The following EPHA4 variants were observed in gnomAD, a reference collection of about 807,000 sequenced individuals.
EPHA4 encodes EPH receptor A4, also known as ephrin type-A receptor 4.
In EPHA4, 19 loss-of-function variants were observed where a neutral mutation model predicts 108.3. The ratio of observed to expected loss-of-function variants is 0.18; its 90% CI spans 0.12 to 0.26. The LOEUF (loss-of-function observed/expected upper bound fraction) is 0.26. EPHA4 is among the 10% of genes least tolerant of loss of function. The probability of loss-of-function intolerance (pLI) is 1.00; values close to 1 mark genes in which losing one functional copy is unlikely to be tolerated. For synonymous variants in EPHA4, 449 were observed against 455.5 expected (o/e 0.99, Z 0.18); for missense variants, 917 against 1,254.0 (o/e 0.73, Z 4.06).
intron 2 of EPHA4, among the ~76,000 whole-genome samples, chr2:221,566,040 A>T (rs1171500807): frequency 6.6e-6 from 1 of 152,208 alleles, no homozygotes; most frequent in Non-Finnish European, 1.5e-5. Flanking sequence ...TTTCACAGTC[A>T]GTGTCAGCAA....
At chr2:221,489,608 T>A (rs1012766279) in intron 4 of EPHA4, among the ~76,000 whole-genome samples, 4 of 152,168 alleles carry the variant, frequency 2.6e-5, no homozygotes, top group Admixed American at 2.6e-4. Flanking sequence ...ATCACATTTT[T>A]AAAAATTTCC....
At chr2:221,483,179 G>GC (rs1691882393) in intron 4 of EPHA4, among the ~76,000 whole-genome samples, 1 of 152,192 alleles carries the variant, frequency 6.6e-6, no homozygotes, top group East Asian at 1.9e-4. Flanking sequence ...ATGTGCCTCT[G>GC]CAGTTCAACA....
At chr2:221,493,413 G>A (rs1241655648) in intron 4 of EPHA4, among the ~76,000 whole-genome samples, 1 of 151,638 alleles carries the variant, frequency 6.6e-6, no homozygotes, top group Non-Finnish European at 1.5e-5. Context: ...GTTTGAAAAT[G>A]GATGTGAGAT....
At chr2:221,472,378 A>G (rs976924075) in intron 5 of EPHA4, among the ~76,000 whole-genome samples, 1 of 152,086 alleles carries the variant, frequency 6.6e-6, no homozygotes, top group African/African-American at 2.4e-5. Context: ...GAAAAACACA[A>G]ATTCTCCAGG....
At chr2:221,423,107 T>C (rs1177858269) in intron 17 of EPHA4, among the ~76,000 whole-genome samples, 1 of 152,208 alleles carries the variant, frequency 6.6e-6, no homozygotes, top group Non-Finnish European at 1.5e-5. Flanking sequence ...ACTTGGACAA[T>C]GTTGGAGGAA....
chr2:221,567,392 G>A (rs189623383), intron 2 of EPHA4, among the ~76,000 whole-genome samples: 152 of 152,222 alleles, frequency 1.0e-3, no homozygotes, highest in Non-Finnish European at 1.6e-3. Flanking sequence ...AGATAAAGCC[G>A]TACCTTTCTT....
At chr2:221,493,517 C>T (rs1175113644) in intron 4 of EPHA4, among the ~76,000 whole-genome samples, 3 of 152,084 alleles carry the variant, frequency 2.0e-5, no homozygotes, top group Admixed American at 6.5e-5. Flanking sequence ...CAAGTAAGGA[C>T]GATGTTATTT....
At chr2:221,558,797 G>A (rs1694373229) in intron 3 of EPHA4, among the ~76,000 whole-genome samples, 2 of 152,022 alleles carry the variant, frequency 1.3e-5, no homozygotes, top group African/African-American at 2.4e-5. Context: ...ATTAAACGCT[G>A]CTCTCTTATA....
At chr2:221,453,009 A>G (rs902733965) in intron 8 of EPHA4, among the ~76,000 whole-genome samples, 9 of 152,228 alleles carry the variant, frequency 5.9e-5, no homozygotes, top group Non-Finnish European at 1.3e-4. Context: ...GAAACTTACA[A>G]TGAGGTAACT....
chr2:221,464,305 T>C (rs1430217), intron 5 of EPHA4, among the ~76,000 whole-genome samples: 1 of 152,132 alleles, frequency 6.6e-6, no homozygotes, highest in African/African-American at 2.4e-5. Context: ...AGGTGGTTTT[T>C]GTTCCCATTT....
At position 221,430,014 on chromosome 2, in the gene EPHA4, C is replaced by T. The variant is rs1034234174; in HGVS notation, c.2634G>A (p.Leu878=). ...RPKFGQIVNM[L]DKLIRNPNSL... ...TGTTGGGGTTGCGGATGAGTTTGTCCAACATGTTGACAATCTGCCCAAATT... is the reference window on the plus strand; with the variant it reads ...TGTTGGGGTTGCGGATGAGTTTGTCTAACATGTTGACAATCTGCCCAAATT... The change falls in exon 15 of 18, where the codon TTG becomes TTA. Residue 878 remains leucine (L), a synonymous_variant. Coordinates refer to ENST00000281821, the MANE Select transcript of EPHA4 (RefSeq NM_004438.5). 10 of 1,613,934 alleles carry T rather than the reference C, an allele frequency of 6.2e-6. No individual in the cohort carries two copies. Among genetic ancestry groups the T allele is most frequent in the Admixed American group, 1.7e-5 (1 of 59,988 alleles).
At chr2:221,531,672 G>T (rs906411852) in intron 3 of EPHA4, among the ~76,000 whole-genome samples, 1 of 151,922 alleles carries the variant, frequency 6.6e-6, no homozygotes, top group South Asian at 2.1e-4. Flanking sequence ...GAAGAACAAA[G>T]CCAATATAAA....
chr2:221,560,861 C>A (rs1010592541), intron 3 of EPHA4, among the ~76,000 whole-genome samples: 1 of 152,186 alleles, frequency 6.6e-6, no homozygotes, highest in Non-Finnish European at 1.5e-5. Context: ...TGCCTGGGTG[C>A]TACTCTTGAT....
At chr2:221,477,458 T>G (rs946341891) in intron 5 of EPHA4, among the ~76,000 whole-genome samples, 3 of 152,168 alleles carry the variant, frequency 2.0e-5, no homozygotes, top group Non-Finnish European at 4.4e-5. Flanking sequence ...TTGGGGATGC[T>G]GTGTTGTGAA....
chr2:221,428,175 G>A (rs1385541814), intron 15 of EPHA4, among the ~76,000 whole-genome samples: 1 of 152,180 alleles, frequency 6.6e-6, no homozygotes, highest in African/African-American at 2.4e-5. Context: ...TAAGCCAAAA[G>A]CATTAATGAG....
intron 9 of EPHA4, among the ~76,000 whole-genome samples, 196 bp from the exon 10 acceptor site, chr2:221,443,802 C>T (rs1226523076): frequency 6.6e-6 from 1 of 152,186 alleles, no homozygotes. Flanking sequence ...TAAGAGGCTG[C>T]AGCTTTACTG....
At chr2:221,427,750 T>C (rs2106090375) in intron 15 of EPHA4, among the ~76,000 whole-genome samples, 1 of 152,328 alleles carries the variant, frequency 6.6e-6, no homozygotes, top group East Asian at 1.9e-4. Context: ...AAAAAACTCT[T>C]TCCTTGTAAA....
At chr2:221,507,028 A>G (rs1350374626) in intron 3 of EPHA4, among the ~76,000 whole-genome samples, 2 of 152,224 alleles carry the variant, frequency 1.3e-5, no homozygotes, top group Non-Finnish European at 2.9e-5. Flanking sequence ...ATCTATTAAA[A>G]AACATTCTTA....
chr2:221,453,617 G>A (rs1690851143), intron 8 of EPHA4, among the ~76,000 whole-genome samples: 1 of 152,108 alleles, frequency 6.6e-6, no homozygotes, highest in South Asian at 2.1e-4. Context: ...AGAATATAGA[G>A]GGCATGCCAA....
Sources: allele counts gnomAD v4.1 joint callset (sites outside exome capture counted in the v4.1 genomes callset), GRCh38; gene constraint gnomAD v4.1.1; transcripts MANE v1.5; gene names NCBI Gene and HGNC (gene_info 2026-07-23, HGNC 2026-07-21).